The following CPNE4 variants were observed in gnomAD, a reference collection of about 807,000 sequenced individuals.
CPNE4 encodes copine-4.
In CPNE4, 25 loss-of-function variants were observed where a neutral mutation model predicts 67.9. The observed-to-expected ratio is 0.37, with a 90% CI of 0.27 to 0.51. CPNE4 has a LOEUF of 0.51. CPNE4 is among the 20% of genes least tolerant of loss of function. The probability of loss-of-function intolerance (pLI) is 0.93; values close to 1 mark genes in which losing one functional copy is unlikely to be tolerated. For synonymous variants in CPNE4, 242 were observed against 244.9 expected, an observed-to-expected ratio of 0.99 and a Z score of 0.11; for missense variants, 464 against 690.8, an observed-to-expected ratio of 0.67 and a Z score of 3.68.
chr3:132,010,727 A>G (rs1467912308), intron 1 of CPNE4, among the ~76,000 whole-genome samples: 1 of 152,162 alleles, frequency 6.6e-6, no homozygotes, highest in Non-Finnish European at 1.5e-5. Flanking sequence ...TCCAAAGCTG[A>G]GCAAAATCAG....
In CPNE4 at chr3:131,564,338, A is replaced by G; in HGVS notation, c.939T>C (p.Asp313=). ...TGGGGTCCCCGTTTGAGGCAGTGAA[A>G]TCTATAGCTACCTAAAAGAGAAAAA... ...GCQIQFTVAI[D]FTASNGDPRN... Residue 313 remains aspartate, a synonymous_variant, in exon 11 of 16, where the codon GAT becomes GAC. Transcript: ENST00000429747. 1.2e-6 allele frequency: 2 copies of G among 1,611,272 alleles called. No homozygotes were observed. The highest frequency in any genetic ancestry group is 1.3e-5 in the African/African-American group (1 of 74,760).
intron 2 of CPNE4, among the ~76,000 whole-genome samples, chr3:131,799,632 A>C (rs2084019702): frequency 6.6e-6 from 1 of 152,158 alleles, no homozygotes; most frequent in Non-Finnish European, 1.5e-5. Flanking sequence ...ACCCTGAATG[A>C]GGCTCTATCA....
rs1051578176 is a variant in CPNE4, at chr3:131,992,126, G to T, written c.-2+42441C>A. Among the ~76,000 whole-genome samples the T allele has an allele frequency of 6.6e-5, 9 of 136,608 alleles. 4 individuals are homozygous for T. The highest frequency in any genetic ancestry group is 1.0e-4 in the Non-Finnish European group (6 of 60,028). 89.6% of individuals were successfully genotyped at this position (136,608 alleles called of 152,430 possible). On this transcript the variant is annotated intron_variant, in intron 1 of 15. Transcript: ENST00000429747. Reference sequence around the variant, plus strand: ...GGAATCCCTACACTGAGTCCTCAGTGGGGCTCTGCCTAGTGGAGCTGTGAG... The same window carrying T: ...GGAATCCCTACACTGAGTCCTCAGTTGGGCTCTGCCTAGTGGAGCTGTGAG...
At chr3:131,736,309 T>G (rs1202607261) in intron 2 of CPNE4, among the ~76,000 whole-genome samples, 1 of 152,216 alleles carries the variant, frequency 6.6e-6, no homozygotes, top group Non-Finnish European at 1.5e-5. Context: ...TGCAACATTC[T>G]ACTACAGTTA....
At chr3:131,676,606 T>C (rs1277626722) in intron 6 of CPNE4, among the ~76,000 whole-genome samples, 2 of 152,096 alleles carry the variant, frequency 1.3e-5, no homozygotes, top group African/African-American at 4.8e-5. Flanking sequence ...ATAATTTAGC[T>C]CCCACTTATA....
intron 2 of CPNE4, among the ~76,000 whole-genome samples, chr3:131,867,264 C>T (rs2086991839): frequency 6.6e-6 from 1 of 152,062 alleles, no homozygotes; most frequent in Admixed American, 6.5e-5. Flanking sequence ...CTTTGGGGCA[C>T]AGCTGTTCGG....
At chr3:131,814,894 G>A (rs1231868880) in intron 2 of CPNE4, among the ~76,000 whole-genome samples, 3 of 136,344 alleles carry the variant, frequency 2.2e-5, no homozygotes, top group African/African-American at 7.5e-5. Flanking sequence ...GTGAGCCACC[G>A]CGCCCGGCCT....
intron 2 of CPNE4, among the ~76,000 whole-genome samples, chr3:131,886,563 AG>A (rs56854791): frequency 0.072 from 10,898 of 152,234 alleles, 404 homozygotes; most frequent in East Asian, 0.1. Flanking sequence ...ATCTACTGAC[AG>A]TGCACTGTGC....
At chr3:131,758,134 C>T (rs1434641637) in intron 2 of CPNE4, among the ~76,000 whole-genome samples, 1 of 152,178 alleles carries the variant, frequency 6.6e-6, no homozygotes, top group African/African-American at 2.4e-5. Context: ...AGAAGAGGAC[C>T]ACTGTCCTCC....
At chr3:131,585,759 T>C (rs1165288093) in intron 8 of CPNE4, among the ~76,000 whole-genome samples, 5 of 152,230 alleles carry the variant, frequency 3.3e-5, no homozygotes, top group Non-Finnish European at 1.5e-5. Context: ...GCATATTCAA[T>C]AGAGCAATAT....
intron 7 of CPNE4, among the ~76,000 whole-genome samples, chr3:131,650,984 A>C (rs1321486461): frequency 6.6e-6 from 1 of 152,030 alleles, no homozygotes; most frequent in Non-Finnish European, 1.5e-5. Flanking sequence ...CAGTTACTTA[A>C]TCTATGTCTC....
Position 131,601,812 on chromosome 3 carries a change from T to C in CPNE4, c.682-14230A>G, listed in dbSNP as rs561321878. Among the ~76,000 whole-genome samples, 10 of 152,262 alleles carry C rather than the reference T, an allele frequency of 6.6e-5. No individual in the cohort carries two copies. The East Asian group carries it at 9.7e-4, about 15-fold the overall frequency. ...GCAAGTATCTCAAAGCACTTCTCTA[T>C]AGGACTCGTGCTATGCTTTGGTGAA... On this transcript the variant is annotated intron_variant, in intron 7 of 15. Coordinates refer to ENST00000429747, the MANE Select transcript of CPNE4 (RefSeq NM_130808.3).
intron 10 of CPNE4, among the ~76,000 whole-genome samples, chr3:131,568,909 C>A (rs1040335374): frequency 6.6e-6 from 1 of 152,008 alleles, no homozygotes; most frequent in Non-Finnish European, 1.5e-5. Context: ...TGCAGTCTAC[C>A]TTTGGGACCA....
At chr3:131,590,971 A>G (rs1938490024) in intron 7 of CPNE4, among the ~76,000 whole-genome samples, 1 of 152,228 alleles carries the variant, frequency 6.6e-6, no homozygotes, top group African/African-American at 2.4e-5. Flanking sequence ...ACAGTGGAAC[A>G]AGTAAATGAT....
chr3:131,791,137 G>A (rs1460109685), intron 2 of CPNE4, among the ~76,000 whole-genome samples: 2 of 152,120 alleles, frequency 1.3e-5, no homozygotes, highest in Non-Finnish European at 2.9e-5. Context: ...ATTACTTAAT[G>A]TATCCATGAA....
At chr3:132,035,672 AC>A (rs2074326678), upstream of CPNE4, among the ~76,000 whole-genome samples, 4 of 152,194 alleles carry the variant, frequency 2.6e-5, no homozygotes, top group Admixed American at 2.6e-4. Context: ...CCTATTTCAA[AC>A]TTATTCAAAT....
rs559045120 is a variant in CPNE4 at position 132,030,390 on chromosome 3, T to C, written c.-2+4177A>G. Among the ~76,000 whole-genome samples the C allele has an allele frequency of 3.3e-5, 5 of 152,316 alleles. No homozygotes were observed. In the East Asian group the frequency reaches 7.7e-4, roughly 23 times the overall value. ...CATAGAACATGCACATTAACGGAGATGGCTGCAGACAATGACTTTGTACAA... is the reference window on the plus strand; with the variant it reads ...CATAGAACATGCACATTAACGGAGACGGCTGCAGACAATGACTTTGTACAA... On this transcript the variant is annotated intron_variant, in intron 1 of 15. Transcript: ENST00000429747.
At chr3:131,554,392 T>C (rs1024422129) in intron 12 of CPNE4, among the ~76,000 whole-genome samples, 7 of 152,060 alleles carry the variant, frequency 4.6e-5, no homozygotes, top group African/African-American at 1.2e-4. Context: ...AAATATAACA[T>C]ATTTGTGGCC....
At chr3:131,576,841 T>G (rs1937561319) in intron 9 of CPNE4, among the ~76,000 whole-genome samples, 2 of 151,992 alleles carry the variant, frequency 1.3e-5, no homozygotes, top group Admixed American at 1.3e-4. Flanking sequence ...TGTGAGTGGT[T>G]TCTAGTTATG....
Sources: allele counts gnomAD v4.1 joint callset (sites outside exome capture counted in the v4.1 genomes callset), GRCh38; gene constraint gnomAD v4.1.1; transcripts MANE v1.5; gene names NCBI Gene and HGNC (gene_info 2026-07-23, HGNC 2026-07-21).